ITGAE: variants seen among roughly 807,000 people sequenced by gnomAD.
The protein encoded by ITGAE is integrin subunit alpha E.
In ITGAE, 99 loss-of-function variants were observed where a neutral mutation model predicts 136.5. That is an observed-to-expected ratio of 0.73 (90% CI 0.62 to 0.86). The LOEUF (loss-of-function observed/expected upper bound fraction) is 0.86. Among genes scored for constraint, ITGAE ranks in the 40% least tolerant of loss-of-function variants. ITGAE has a pLI of 0.00. For synonymous variants in ITGAE, 613 were observed against 591.8 expected (o/e 1.04, Z -0.52); for missense variants, 1,447 against 1,515.3 (o/e 0.95, Z 0.75).
intron 2 of ITGAE, among the ~76,000 whole-genome samples, chr17:3,766,647 C>T (rs904776739): frequency 6.6e-5 from 10 of 151,956 alleles, no homozygotes; most frequent in Admixed American, 2.0e-4. Flanking sequence ...ACTAAAAATA[C>T]AAACATTAGC....
intron 17 of ITGAE, among the ~76,000 whole-genome samples, chr17:3,746,314 C>T (rs943167796): frequency 6.6e-6 from 1 of 151,974 alleles, no homozygotes; most frequent in Admixed American, 6.6e-5. Flanking sequence ...CTGGAAGCAC[C>T]GTGGAGATCC....
chr17:3,723,551 G>A, intron 27 of ITGAE, 137 bp downstream of exon 27: 1 of 1,071,830 alleles, frequency 9.3e-7, no homozygotes, highest in Admixed American at 2.2e-5. Context: ...TTGAGACCCA[G>A]GGACGAAGCT....
chr17:3,723,806 T>G (rs753221035), intron 26 of ITGAE, 62 bp from the exon 27 acceptor site: 18 of 1,587,420 alleles, frequency 1.1e-5, no homozygotes, highest in African/African-American at 2.7e-5. Context: ...TTCCGTCCCG[T>G]CCCGGCCCCG....
At position 3,762,398 on chromosome 17, in the gene ITGAE, C is replaced by T. The variant is rs529384872; in HGVS notation, c.248-416G>A. ...GGGACTGGCTGTGTGGACCAAGGAA[C>T]CCCCCAGCCTCACAGACCCATCCTG... On this transcript the variant is annotated intron_variant, in intron 3 of 30. Transcript: ENST00000263087. Among the ~76,000 whole-genome samples, 5 of 152,148 alleles carry T rather than the reference C, an allele frequency of 3.3e-5. 1 individual carries two copies. The South Asian group carries it at 1.0e-3, about 32-fold the overall frequency.
rs2052967575 is a variant in ITGAE, at chr17:3,792,529, GGGCA to G, written c.34+8578_34+8581del. On this transcript the variant is annotated intron_variant, in intron 1 of 30. Coordinates refer to ENST00000263087, the MANE Select transcript of ITGAE (RefSeq NM_002208.5). The stretch of plus-strand genomic sequence containing the variant: ...AAGATAAAACTCGCTTAAAATAATG[GGGCA>G]GGCAAAAAAGAACAGAAGGAAAATG... 2.6e-5 allele frequency among the ~76,000 whole-genome samples: 4 copies of G among 152,084 alleles called. No homozygotes were observed. The South Asian group carries it at 8.3e-4, about 32-fold the overall frequency.
intron 13 of ITGAE, 97 bp downstream of exon 13, chr17:3,753,686 C>T: frequency 6.8e-7 from 1 of 1,471,746 alleles, no homozygotes; most frequent in Non-Finnish European, 9.2e-7. Context: ...CAGCCCGGGC[C>T]CTGGCCCACT....
chr17:3,743,705 C>T (rs8081583), intron 18 of ITGAE, 88 bp from the exon 19 acceptor site: 521 of 934,604 alleles, frequency 5.6e-4, no homozygotes, highest in Admixed American at 1.2e-3. Flanking sequence ...TTCTTTTTTT[C>T]TTTTTTTTTT....
chr17:3,729,972 G>A (rs2051303890), intron 23 of ITGAE, among the ~76,000 whole-genome samples: 1 of 152,150 alleles, frequency 6.6e-6, no homozygotes, highest in African/African-American at 2.4e-5. Flanking sequence ...GTGCTTTGCT[G>A]CAGCTGTCAA....
intron 3 of ITGAE, among the ~76,000 whole-genome samples, chr17:3,763,567 G>A (rs1384364745): frequency 2.6e-5 from 4 of 152,090 alleles, no homozygotes; most frequent in Admixed American, 6.6e-5. Flanking sequence ...TATAAATGGC[G>A]CGGTTTTGAG....
chr17:3,714,929 T>C lies in ITGAE; in HGVS notation c.3458A>G (p.Lys1153Arg), dbSNP rs535362495. 1.2e-6 allele frequency: 2 copies of C among 1,602,694 alleles called. No homozygotes were observed. The highest frequency in any genetic ancestry group is 2.7e-5 in the African/African-American group (2 of 74,840). ...LVILFKCGFFKRKYQQLNLES... is the reference protein window; with the variant it reads ...LVILFKCGFFRRKYQQLNLES... ...CAAGTTCAGTTGTTGATATTTTCTT[T>C]TAAAAAAGCCACACTGAAACAAAGG... The change falls in exon 31 of 31, where the codon AAA (lysine) becomes AGA (arginine). Residue 1153 changes from lysine to arginine, a missense_variant. Coordinates refer to ENST00000263087, the MANE Select transcript of ITGAE (RefSeq NM_002208.5).
intron 1 of ITGAE, among the ~76,000 whole-genome samples, chr17:3,797,321 ATGCCCAGCTAATT>A (rs1429715918): frequency 2.0e-5 from 3 of 150,678 alleles, no homozygotes; most frequent in Non-Finnish European, 3.0e-5. Context: ...ACCCGCCACC[ATGCCCAGCTAATT>A]TTTTGTGTTT....
At chr17:3,775,895 G>A (rs1428386215) in intron 2 of ITGAE, among the ~76,000 whole-genome samples, 2 of 152,024 alleles carry the variant, frequency 1.3e-5, no homozygotes, top group African/African-American at 4.8e-5. Flanking sequence ...GGTGGTGATC[G>A]CAATTCACAC....
At chr17:3,716,206 CA>C (rs1451474875) in intron 30 of ITGAE, among the ~76,000 whole-genome samples, 47 of 123,102 alleles carry the variant, frequency 3.8e-4, no homozygotes, top group Non-Finnish European at 7.8e-4. Context: ...CACTTAAGGG[CA>C]GAGACGGGTA....
chr17:3,759,350 C>T (rs1438096337), intron 8 of ITGAE, 52 bp downstream of exon 8: 30 of 1,588,416 alleles, frequency 1.9e-5, no homozygotes, highest in Non-Finnish European at 2.4e-5. Context: ...ATGAGTGATG[C>T]CACAGAGACT....
At chr17:3,754,176 C>T (rs916203779) in intron 12 of ITGAE, among the ~76,000 whole-genome samples, 1 of 152,180 alleles carries the variant, frequency 6.6e-6, no homozygotes, top group African/African-American at 2.4e-5. Context: ...TCGAAATACT[C>T]GTTCGCACAC....
At chr17:3,755,953 G>A (rs930371341) in intron 10 of ITGAE, 56 bp from the exon 11 acceptor site, 2 of 1,513,490 alleles carry the variant, frequency 1.3e-6, no homozygotes, top group Admixed American at 2.0e-5. Context: ...GGGAGAAACT[G>A]AGTCAGGGGA....
At chr17:3,724,414 A>G (rs1424289981) in intron 26 of ITGAE, 1 of 1,612,390 alleles carries the variant, frequency 6.2e-7, no homozygotes, top group African/African-American at 1.3e-5. Flanking sequence ...AGGGACGGCG[A>G]CGAGCTGGGC....
chr17:3,788,778 T>TTATTTAAAAATAATAATTATTAAAATAA (rs2052864621), intron 1 of ITGAE, among the ~76,000 whole-genome samples: 18 of 137,004 alleles, frequency 1.3e-4, no homozygotes, highest in East Asian at 2.2e-4. Context: ...ATTAAAATAA[T>TTATTTAAAAATAATAATTATTAAAATAA]TATTTAAAAA....
At chr17:3,728,273 G>T in intron 24 of ITGAE, 105 bp from the exon 25 acceptor site, 1 of 886,314 alleles carries the variant, frequency 1.1e-6, no homozygotes, top group Non-Finnish European at 1.9e-6. Flanking sequence ...GAACAATCAT[G>T]GCTCAGTGTA....
Sources: allele counts gnomAD v4.1 joint callset (sites outside exome capture counted in the v4.1 genomes callset), GRCh38; gene constraint gnomAD v4.1.1; transcripts MANE v1.5; gene names NCBI Gene and HGNC (gene_info 2026-07-23, HGNC 2026-07-21).